DYNC1I1: variants seen among roughly 807,000 people sequenced by gnomAD.
The protein encoded by DYNC1I1 is dynein cytoplasmic 1 intermediate chain 1.
DYNC1I1 carries 43 observed loss-of-function variants against 86.6 expected under a neutral mutation model. That is an observed-to-expected ratio of 0.50 (90% CI 0.39 to 0.64). The LOEUF (loss-of-function observed/expected upper bound fraction) is 0.64, where lower values mean the gene tolerates loss of function less well. Ranked by LOEUF, DYNC1I1 falls within the 30% of genes least tolerant of loss-of-function variation. The probability of loss-of-function intolerance (pLI) is 0.00; values close to 1 mark genes in which losing one functional copy is unlikely to be tolerated. For missense variants in DYNC1I1, 604 were observed against 788.8 expected (o/e 0.77, Z 2.81); for synonymous variants, 262 against 283.7 (o/e 0.92, Z 0.77).
intron 6 of DYNC1I1, among the ~76,000 whole-genome samples, chr7:95,969,060 G>A (rs1356159855): frequency 1.3e-5 from 2 of 152,174 alleles, no homozygotes; most frequent in Non-Finnish European, 2.9e-5. Context: ...CTTGAGAAGT[G>A]GCTGTGCTCT....
intron 6 of DYNC1I1, among the ~76,000 whole-genome samples, chr7:95,913,327 C>T (rs1320129826): frequency 6.6e-6 from 1 of 152,090 alleles, no homozygotes; most frequent in Non-Finnish European, 1.5e-5. Flanking sequence ...GGCATGGTGC[C>T]ACACATATGA....
chr7:96,046,831 A>C (rs1044243442), intron 14 of DYNC1I1, among the ~76,000 whole-genome samples: 1 of 152,146 alleles, frequency 6.6e-6, no homozygotes, highest in Non-Finnish European at 1.5e-5. Flanking sequence ...AGTGACTGAG[A>C]CAGGACATGC....
At chr7:95,830,019 A>C (rs1171466290) in intron 5 of DYNC1I1, among the ~76,000 whole-genome samples, 1 of 151,998 alleles carries the variant, frequency 6.6e-6, no homozygotes, top group African/African-American at 2.4e-5. Context: ...TATCTTAGAG[A>C]GTTTGAAGGC....
intron 10 of DYNC1I1, among the ~76,000 whole-genome samples, chr7:96,012,885 T>C (rs1337610130): frequency 6.6e-6 from 1 of 152,138 alleles, no homozygotes; most frequent in Non-Finnish European, 1.5e-5. Context: ...GGATCTTTTT[T>C]TATTATTTTT....
chr7:95,914,278 A>G (rs1416498323), intron 6 of DYNC1I1, among the ~76,000 whole-genome samples: 1 of 152,196 alleles, frequency 6.6e-6, no homozygotes, highest in Admixed American at 6.5e-5. Flanking sequence ...CCATGGCTCT[A>G]ATATTTCCCC....
At chr7:95,907,615 C>G (rs979765471) in intron 6 of DYNC1I1, among the ~76,000 whole-genome samples, 11 of 152,098 alleles carry the variant, frequency 7.2e-5, no homozygotes, top group African/African-American at 2.7e-4. Flanking sequence ...CTGCTGAAAG[C>G]CCAAGACTCA....
At chr7:95,914,941 G>T (rs1326553988) in intron 6 of DYNC1I1, among the ~76,000 whole-genome samples, 1 of 152,096 alleles carries the variant, frequency 6.6e-6, no homozygotes, top group Admixed American at 6.6e-5. Flanking sequence ...TCACTTGTTT[G>T]CTTTTTAATT....
intron 1 of DYNC1I1, among the ~76,000 whole-genome samples, chr7:95,784,629 G>A (rs1287919570): frequency 2.6e-5 from 4 of 152,224 alleles, no homozygotes; most frequent in Admixed American, 2.6e-4. Context: ...CTTACCTGCT[G>A]TAGCCCAAAC....
chr7:95,814,478 T>C (rs1794903166), intron 4 of DYNC1I1, among the ~76,000 whole-genome samples: 2 of 152,212 alleles, frequency 1.3e-5, no homozygotes, highest in Admixed American at 1.3e-4. Flanking sequence ...CTGTGTGCAT[T>C]TCTTGCCTCC....
chr7:95,780,180 T>C (rs1562889075), intron 1 of DYNC1I1, among the ~76,000 whole-genome samples: 1 of 152,194 alleles, frequency 6.6e-6, no homozygotes, highest in Non-Finnish European at 1.5e-5. Context: ...TATATTTTCA[T>C]TGAATAAATG....
At chr7:96,066,316 A>C (rs777463767) in intron 14 of DYNC1I1, among the ~76,000 whole-genome samples, 19 of 152,198 alleles carry the variant, frequency 1.2e-4, no homozygotes, top group Non-Finnish European at 2.1e-4. Context: ...CCTTGACCAC[A>C]TCAGACTCTG....
intron 14 of DYNC1I1, among the ~76,000 whole-genome samples, chr7:96,053,280 T>A (rs1789461531): frequency 6.6e-6 from 1 of 152,220 alleles, no homozygotes; most frequent in African/African-American, 2.4e-5. Context: ...ATGCCACTGA[T>A]GTCACATAAT....
chr7:95,899,856 C>T (rs1434343219), intron 6 of DYNC1I1, among the ~76,000 whole-genome samples: 1 of 152,124 alleles, frequency 6.6e-6, no homozygotes, highest in African/African-American at 2.4e-5. Context: ...GAACTTCTAC[C>T]ATTGTTATCT....
chr7:95,936,582 A>G (rs528650368), intron 6 of DYNC1I1, among the ~76,000 whole-genome samples: 1 of 152,140 alleles, frequency 6.6e-6, no homozygotes, highest in Admixed American at 6.5e-5. Context: ...GGAAGAGAAG[A>G]AAATTACCAA....
chr7:95,785,647 A>G (rs944551853), intron 1 of DYNC1I1, among the ~76,000 whole-genome samples: 1 of 151,468 alleles, frequency 6.6e-6, no homozygotes, highest in Admixed American at 6.6e-5. Context: ...CCAATACCAT[A>G]TACATATATA....
chr7:96,048,458 G>A (rs1789286593), intron 14 of DYNC1I1, among the ~76,000 whole-genome samples: 1 of 152,072 alleles, frequency 6.6e-6, no homozygotes, highest in Admixed American at 6.6e-5. Context: ...GCATTACCTG[G>A]GGCTTATTAG....
intron 6 of DYNC1I1, among the ~76,000 whole-genome samples, chr7:95,967,920 G>C (rs546469669): frequency 6.6e-6 from 1 of 152,134 alleles, no homozygotes; most frequent in Non-Finnish European, 1.5e-5. Context: ...ATGCTTGTGC[G>C]GGGGTGAACA....
chr7:95,864,409 T>C (rs748397018), intron 5 of DYNC1I1, among the ~76,000 whole-genome samples: 1 of 152,216 alleles, frequency 6.6e-6, no homozygotes, highest in Non-Finnish European at 1.5e-5. Flanking sequence ...TATTTTTTAT[T>C]CTTTAGTAAG....
chr7:95,932,365 G>A (rs2116413359), intron 6 of DYNC1I1, among the ~76,000 whole-genome samples: 1 of 152,238 alleles, frequency 6.6e-6, no homozygotes, highest in Middle Eastern at 3.4e-3. Context: ...AAAGAAAAAA[G>A]GGGTTAATTA....
Sources: allele counts gnomAD v4.1 joint callset (sites outside exome capture counted in the v4.1 genomes callset), GRCh38; gene constraint gnomAD v4.1.1; transcripts MANE v1.5; gene names NCBI Gene and HGNC (gene_info 2026-07-23, HGNC 2026-07-21).